The following GAB1 variants were observed in gnomAD, a reference collection of about 807,000 sequenced individuals.
GAB1 encodes GRB2-associated-binding protein 1.
A neutral mutation model predicts 66.5 loss-of-function variants in GAB1; 19 were observed. The ratio of observed to expected loss-of-function variants is 0.29; its 90% CI spans 0.20 to 0.42. The LOEUF is 0.42. Among genes scored for constraint, GAB1 ranks in the 10% least tolerant of loss-of-function variants. The pLI is 1.00. For missense variants in GAB1, 732 were observed against 858.5 expected (o/e 0.85, Z 1.84); for synonymous variants, 294 against 301.4 (o/e 0.98, Z 0.25).
intron 9 of GAB1, among the ~76,000 whole-genome samples, chr4:143,466,532 C>T (rs1735801662): frequency 1.5e-5 from 2 of 134,866 alleles, no homozygotes; most frequent in Admixed American, 8.1e-5. Flanking sequence ...CTCTGTTGCC[C>T]AGGCTGGAGT....
intron 1 of GAB1, among the ~76,000 whole-genome samples, chr4:143,370,223 G>A (rs1282762257): frequency 1.3e-5 from 2 of 152,168 alleles, no homozygotes; most frequent in African/African-American, 4.8e-5. Flanking sequence ...AGAAAGAGGA[G>A]GAAATGTTAT....
At chr4:143,413,805 T>A (rs1240174064) in intron 1 of GAB1, among the ~76,000 whole-genome samples, 1 of 144,098 alleles carries the variant, frequency 6.9e-6, no homozygotes, top group African/African-American at 2.7e-5. Flanking sequence ...TCCCAGAGCA[T>A]CCCCACCACC....
chr4:143,469,043 G>A lies in GAB1; in HGVS notation c.1939G>A (p.Gly647Ser). The A allele has an allele frequency of 6.2e-7, 1 of 1,613,908 alleles. No homozygotes were observed. The highest frequency in any genetic ancestry group is 8.5e-7 in the Non-Finnish European group (1 of 1,179,882). ...STPPRKQKSS[G>S]SGSSVADERV... ...CTTTGTGTTTTAGCAAAAGAGCAGTGGCTCAGGCAGCAGTGTAGCAGATGA... is the reference window on the plus strand; with the variant it reads ...CTTTGTGTTTTAGCAAAAGAGCAGTAGCTCAGGCAGCAGTGTAGCAGATGA... Residue 647 changes from glycine (G) to serine (S), a missense_variant, in exon 10 of 10, where the codon GGC becomes AGC. Around this residue, in one of 4 missense-constraint regions of GAB1, gnomAD observed 204 missense variants for 276.8 expected, o/e 0.74. Transcript: ENST00000262994.
At chr4:143,377,417 G>C (rs3805249) in intron 1 of GAB1, among the ~76,000 whole-genome samples, 48,158 of 151,936 alleles carry the variant, frequency 0.32, 7,918 homozygotes, top group South Asian at 0.49. Flanking sequence ...TTTCAACCAT[G>C]TATGGTTGGT....
At chr4:143,469,003 G>A in intron 9 of GAB1, 28 bp from the exon 10 acceptor site, 1 of 1,611,612 alleles carries the variant, frequency 6.2e-7, no homozygotes, top group Middle Eastern at 1.7e-4. Context: ...TTATATGTTG[G>A]ACTTTTTGTT....
In GAB1 at chr4:143,460,389, C is replaced by T; in HGVS notation, c.1705C>T (p.Arg569Ter). 1 of 1,613,572 alleles carries T rather than the reference C, an allele frequency of 6.2e-7. No individual in the cohort carries two copies. Among genetic ancestry groups the T allele is most frequent in the South Asian group, 1.1e-5 (1 of 91,056 alleles). The change falls in exon 8 of 10, where the codon CGA (arginine) becomes TGA (stop). Residue 569 changes from arginine (R) to a stop codon, truncating the protein, a stop_gained. Transcript: ENST00000262994. LOFTEE classifies it high-confidence loss of function. ...RDSSRFPMSP[R>*]PDSVHSTTSS... ...CTCTTCCAGGTTTCCCATGTCCCCC[C>T]GACCAGATTCAGTGCATAGCACAAC... is the stretch of plus-strand genomic sequence containing the variant.
At chr4:143,346,881 T>C (rs1208475707) in intron 1 of GAB1, among the ~76,000 whole-genome samples, 1 of 152,232 alleles carries the variant, frequency 6.6e-6, no homozygotes, top group African/African-American at 2.4e-5. Flanking sequence ...ATGTAGGTCA[T>C]TTACCTCCAA....
At chr4:143,402,410 T>C (rs577717891) in intron 1 of GAB1, among the ~76,000 whole-genome samples, 3 of 152,330 alleles carry the variant, frequency 2.0e-5, no homozygotes, top group Admixed American at 2.0e-4. Context: ...ATATGAGGAC[T>C]TTTATCTGTG....
At chr4:143,387,345 GGTC>G (rs1730966906) in intron 1 of GAB1, among the ~76,000 whole-genome samples, 5 of 152,264 alleles carry the variant, frequency 3.3e-5, no homozygotes, top group Non-Finnish European at 5.9e-5. Flanking sequence ...TGGTCAGGCT[GGTC>G]TCAAACTCCC....
chr4:143,437,465 T>C (rs1346321283), intron 3 of GAB1, among the ~76,000 whole-genome samples: 1 of 152,190 alleles, frequency 6.6e-6, no homozygotes, highest in Admixed American at 6.6e-5. Flanking sequence ...AAGGAAGATA[T>C]ATGAAAACAA....
intron 1 of GAB1, among the ~76,000 whole-genome samples, chr4:143,358,397 ATTT>A (rs1729532192): frequency 6.6e-6 from 1 of 152,058 alleles, no homozygotes; most frequent in African/African-American, 2.4e-5. Context: ...TTGTTTCGGT[ATTT>A]TTCTTTTTTA....
chr4:143,352,464 A>G (rs1185879765), intron 1 of GAB1, among the ~76,000 whole-genome samples: 1 of 152,210 alleles, frequency 6.6e-6, no homozygotes, highest in Non-Finnish European at 1.5e-5. Flanking sequence ...TTTTCAGATG[A>G]TCTTAAGATA....
chr4:143,470,729 T>A lies in GAB1; in HGVS notation c.*1540T>A, dbSNP rs1736034307. On this transcript the variant is annotated 3_prime_UTR_variant, in exon 10 of 10. Transcript: ENST00000262994. ...TGCCCACAGTTGAGGCATGACCCCC[T>A]CCATTCAGACCTCTAACTGTTGCCT... 1 of 152,244 alleles carries A rather than the reference T, an allele frequency of 6.6e-6. No homozygotes were observed. Among genetic ancestry groups the A allele is most frequent in the Admixed American group, 6.5e-5 (1 of 15,272 alleles). The allele number at this position is 152,244 out of a possible 1,614,324, so 9.4% of individuals were successfully genotyped here.
At chr4:143,411,332 T>C (rs538082507) in intron 1 of GAB1, among the ~76,000 whole-genome samples, 6 of 152,292 alleles carry the variant, frequency 3.9e-5, no homozygotes, top group Admixed American at 3.9e-4. Flanking sequence ...CAACTCAAAA[T>C]TGGAGTGACT....
chr4:143,440,052 A>C, intron 5 of GAB1, 27 bp from the exon 6 acceptor site: 1 of 1,582,526 alleles, frequency 6.3e-7, no homozygotes, highest in Non-Finnish European at 8.6e-7. Context: ...GTTTTTGTTT[A>C]TTAAAAGAAA....
intron 1 of GAB1, among the ~76,000 whole-genome samples, chr4:143,411,471 G>T (rs899601220): frequency 6.6e-6 from 1 of 152,088 alleles, no homozygotes; most frequent in Non-Finnish European, 1.5e-5. Flanking sequence ...ATGATTTTTT[G>T]TGTGAATTTC....
At chr4:143,437,889 A>C in intron 3 of GAB1, 110 bp from the exon 4 acceptor site, 1 of 1,080,274 alleles carries the variant, frequency 9.3e-7, no homozygotes, top group Non-Finnish European at 1.3e-6. Flanking sequence ...CACACAAAAA[A>C]TCTAATGAGA....
intron 6 of GAB1, among the ~76,000 whole-genome samples, chr4:143,452,015 G>A (rs1734955252): frequency 6.6e-6 from 1 of 152,150 alleles, no homozygotes; most frequent in Non-Finnish European, 1.5e-5. Context: ...TCTTAGGGTT[G>A]TGTGAAATCG....
In GAB1 at chr4:143,407,179, A is replaced by T. The variant is rs3805239; in HGVS notation, c.73-8298A>T. 2.4e-3 allele frequency among the ~76,000 whole-genome samples: 371 copies of T among 152,208 alleles called. 6 individuals are homozygous for T. In the East Asian group the frequency reaches 0.06, roughly 25 times the overall value. On this transcript the variant is annotated intron_variant, in intron 1 of 9. Transcript: ENST00000262994. ...TCTAAGAAAAGTTTTCATTGCTTTAATCAGATGCTCAAAGCCGTCTATGAC... is the reference window on the plus strand; with the variant it reads ...TCTAAGAAAAGTTTTCATTGCTTTATTCAGATGCTCAAAGCCGTCTATGAC...
Sources: allele counts gnomAD v4.1 joint callset (sites outside exome capture counted in the v4.1 genomes callset), GRCh38; gene constraint gnomAD v4.1.1; regional missense constraint gnomAD v4.1.1; transcripts MANE v1.5; gene names NCBI Gene and HGNC (gene_info 2026-07-23, HGNC 2026-07-21).